The following FAM200A variants were observed in gnomAD, a reference collection of about 807,000 sequenced individuals.
FAM200A encodes protein FAM200A.
Under a neutral mutation model 44.2 loss-of-function variants are expected in FAM200A, and 26 were observed. The ratio of observed to expected loss-of-function variants is 0.59; its 90% CI spans 0.43 to 0.82. The LOEUF is 0.82. FAM200A is among the 40% of genes least tolerant of loss of function. The pLI, the probability that FAM200A is intolerant of heterozygous loss-of-function variation, is 0.00. For missense variants in FAM200A, 606 were observed against 669.5 expected, an observed-to-expected ratio of 0.91 and a Z score of 1.05; for synonymous variants, 206 against 244.4, an observed-to-expected ratio of 0.84 and a Z score of 1.47.
chr7:99,552,181 C>A (rs910795916), upstream of FAM200A: 42 of 985,282 alleles, frequency 4.3e-5, no homozygotes, highest in Non-Finnish European at 4.8e-5. Flanking sequence ...TCTCTAGGAT[C>A]GCGGGAGGAC....
chr7:99,554,961 G>GT (rs969541246), upstream of FAM200A, among the ~76,000 whole-genome samples: 5 of 152,118 alleles, frequency 3.3e-5, no homozygotes, highest in African/African-American at 1.2e-4. Context: ...CGTGGGTTTT[G>GT]TTTTTTTGCC....
chr7:99,549,648 C>G (rs1330907706), intron 1 of FAM200A, among the ~76,000 whole-genome samples: 3 of 152,080 alleles, frequency 2.0e-5, no homozygotes, highest in African/African-American at 7.2e-5. Context: ...TGGAACCAAC[C>G]CAAACATCCA....
Position 99,546,704 on chromosome 7 carries a change from T to A in FAM200A, c.1704A>T (p.Gln568His). The change falls in exon 2 of 2, where the codon CAA becomes CAT. Residue 568 changes from glutamine to histidine, a missense_variant. Coordinates refer to ENST00000449309, the MANE Select transcript of FAM200A (RefSeq NM_145111.4). ...VPDWKELMNR[Q>H]AHPSH ...TTTGTATTTAATGTGATGGGTGTGC[T>A]TGTCTGTTCATAAGTTCCTTCCAGT... The A allele has an allele frequency of 6.5e-7, 1 of 1,530,504 alleles. No homozygotes were observed. The highest frequency in any genetic ancestry group is 1.2e-5 in the South Asian group (1 of 80,148). The allele number at this position is 1,530,504 out of a possible 1,614,324, so 94.8% of individuals were successfully genotyped here. A position where few individuals can be genotyped will look rare whatever the true frequency, so the allele number is the denominator to read the frequency against.
upstream of FAM200A, chr7:99,552,274 G>T (rs1802555873): frequency 1.3e-5 from 7 of 553,574 alleles, no homozygotes; most frequent in South Asian, 3.1e-4. Flanking sequence ...TGCACAGGGC[G>T]GGGAAAAAGG....
At chr7:99,548,929 G>A (rs1364374986) in intron 1 of FAM200A, among the ~76,000 whole-genome samples, 4 of 135,942 alleles carry the variant, frequency 2.9e-5, no homozygotes, top group African/African-American at 1.1e-4. Flanking sequence ...GCCCAGGCTG[G>A]AGTGCAAGGG....
At chr7:99,549,576 G>C (rs1002110316) in intron 1 of FAM200A, among the ~76,000 whole-genome samples, 1 of 152,158 alleles carries the variant, frequency 6.6e-6, no homozygotes, top group African/African-American at 2.4e-5. Context: ...TATAAATCAT[G>C]CTGCTATAAA....
chr7:99,557,762 G>T (rs544511247), intron 1 of FAM200A, among the ~76,000 whole-genome samples: 2 of 152,298 alleles, frequency 1.3e-5, no homozygotes, highest in South Asian at 4.1e-4. Flanking sequence ...AGGTTTTCTT[G>T]TGTTTAATTT....
At chr7:99,551,668 GC>G (rs1487556971) in intron 1 of FAM200A, among the ~76,000 whole-genome samples, 185 bp downstream of exon 1, 1 of 152,184 alleles carries the variant, frequency 6.6e-6, no homozygotes, top group Non-Finnish European at 1.5e-5. Flanking sequence ...AACCAGAAAA[GC>G]CCCCACCACA....
intron 1 of FAM200A, chr7:99,558,233 A>T (rs1298555979): frequency 6.6e-6 from 1 of 151,910 alleles, no homozygotes; most frequent in African/African-American, 2.4e-5. Flanking sequence ...CTGAGCAGGC[A>T]CCCCTGTGCT....
At chr7:99,549,746 G>GT (rs1296004371) in intron 1 of FAM200A, among the ~76,000 whole-genome samples, 1 of 152,200 alleles carries the variant, frequency 6.6e-6, no homozygotes, top group East Asian at 1.9e-4. Flanking sequence ...TATGTCCTTT[G>GT]TAGGGACATG....
upstream of FAM200A, among the ~76,000 whole-genome samples, chr7:99,552,878 G>A (rs1167845825): frequency 6.6e-6 from 1 of 151,332 alleles, no homozygotes; most frequent in Non-Finnish European, 1.5e-5. Flanking sequence ...CCTCACTAAT[G>A]CTCCATTCCT....
At chr7:99,553,097 A>ATTTTTTTTTTTTT (rs1433320975), upstream of FAM200A, among the ~76,000 whole-genome samples, 1 of 78,190 alleles carries the variant, frequency 1.3e-5, no homozygotes, top group African/African-American at 8.9e-5. Flanking sequence ...ATATATATAT[A>ATTTTTTTTTTTTT]TATTTTTTTT....
intron 1 of FAM200A, 93 bp downstream of exon 1, chr7:99,551,761 A>T: frequency 1.1e-6 from 1 of 944,690 alleles, no homozygotes; most frequent in Non-Finnish European, 1.3e-6. Context: ...GTAAAACACC[A>T]GGACTGGGGG....
chr7:99,552,116 A>T (rs141128127), upstream of FAM200A: 5 of 985,446 alleles, frequency 5.1e-6, no homozygotes, highest in South Asian at 1.9e-4. Flanking sequence ...AAGCGTCACA[A>T]AAGCCGGAAG....
Position 99,546,493 on chromosome 7 carries a change from C to G in FAM200A, c.*193G>C, listed in dbSNP as rs1458948262. The G allele has an allele frequency of 2.2e-6, 1 of 458,876 alleles. No homozygotes were observed. The highest frequency in any genetic ancestry group is 3.6e-6 in the Non-Finnish European group (1 of 276,390). The allele number at this position is 458,876 out of a possible 1,614,324, so 28.4% of individuals were successfully genotyped here. ...AAGAGATTCTCCTGCCTCAGGCACC[C>G]AAGTAACTGGGACTGCAGGCATGTG... On this transcript the variant is annotated 3_prime_UTR_variant, in exon 2 of 2. Transcript: ENST00000449309.
intron 1 of FAM200A, 65 bp from the exon 2 acceptor site, chr7:99,548,571 CA>C: frequency 7.8e-7 from 1 of 1,284,132 alleles, no homozygotes; most frequent in Non-Finnish European, 1.0e-6. Flanking sequence ...GCTAACAACT[CA>C]TACAAAACAA....
At position 99,546,732 on chromosome 7, in the gene FAM200A, G is replaced by C; in HGVS notation, c.1676C>G (p.Pro559Arg). 2 of 1,543,860 alleles carry C rather than the reference G, an allele frequency of 1.3e-6. No individual in the cohort carries two copies. The highest frequency in any genetic ancestry group is 1.7e-6 in the Non-Finnish European group (2 of 1,144,584). ...DMRVALSSCV[P>R]DWKELMNRQA... ...TCTGTTCATAAGTTCCTTCCAGTCAGGAACACATGAAGATAATGCTACCCG... is the reference window on the plus strand; with the variant it reads ...TCTGTTCATAAGTTCCTTCCAGTCACGAACACATGAAGATAATGCTACCCG... Residue 559 changes from proline (P) to arginine (R), a missense_variant, in exon 2 of 2, where the codon CCT becomes CGT. Pro to Arg is a moderately radical substitution (Grantham distance 103). Transcript: ENST00000449309.
upstream of FAM200A, among the ~76,000 whole-genome samples, chr7:99,553,705 A>G (rs1196035687): frequency 6.6e-6 from 1 of 152,230 alleles, no homozygotes; most frequent in Non-Finnish European, 1.5e-5. Context: ...ACAATACTAT[A>G]TATCCATTTT....
intron 1 of FAM200A, among the ~76,000 whole-genome samples, chr7:99,557,667 T>C (rs960553092): frequency 7.9e-5 from 12 of 152,294 alleles, no homozygotes; most frequent in African/African-American, 2.9e-4. Context: ...GGATAAATGA[T>C]ACTTAGGGAT....
Sources: gnomAD v4.1 joint callset for allele counts (sites outside exome capture counted in the v4.1 genomes callset) on GRCh38, gnomAD v4.1.1 for gene constraint, MANE v1.5 for transcripts, NCBI Gene and HGNC (gene_info 2026-07-23, HGNC 2026-07-21) for gene names.